Variants in KIF1B observed in about 807,000 individuals in gnomAD.
KIF1B encodes kinesin-like protein KIF1B.
KIF1B carries 76 observed loss-of-function variants against 241.9 expected under a neutral mutation model. The observed-to-expected ratio is 0.31, with a 90% CI of 0.26 to 0.38. KIF1B has a LOEUF of 0.38. Among genes scored for constraint, KIF1B ranks in the 10% least tolerant of loss-of-function variants. The probability of loss-of-function intolerance (pLI) is 1.00; values close to 1 mark genes in which losing one functional copy is unlikely to be tolerated. For synonymous variants in KIF1B, 750 were observed against 796.7 expected, an observed-to-expected ratio of 0.94 and a Z score of 0.99; for missense variants, 1,622 against 2,271.4, an observed-to-expected ratio of 0.71 and a Z score of 5.81.
Position 10,333,454 on chromosome 1 carries a change from G to A in KIF1B, c.2925-1066G>A, listed in dbSNP as rs938026296. On this transcript the variant is annotated intron_variant, in intron 27 of 48. Coordinates refer to ENST00000676179, the MANE Select transcript of KIF1B (RefSeq NM_001365951.3). ...CGCCTGTAATCCCAGCACTTTGGAA[G>A]GCTGTTGCGGGCGGATCACGAGGTC... Among the ~76,000 whole-genome samples, 113 of 152,264 alleles carry A rather than the reference G, an allele frequency of 7.4e-4. 2 individuals carry two copies. Among genetic ancestry groups the A allele is most frequent in the Non-Finnish European group, 1.3e-4 (9 of 68,014 alleles).
chr1:10,376,422 G>GGA (rs765117109), intron 48 of KIF1B, 123 bp from the exon 49 acceptor site: 179 of 924,468 alleles, frequency 1.9e-4, no homozygotes, highest in Middle Eastern at 8.6e-4. Flanking sequence ...ACGGCTTAGA[G>GGA]GACTAGGCCT....
At chr1:10,251,947 A>G (rs1647474985) in intron 2 of KIF1B, among the ~76,000 whole-genome samples, 1 of 152,126 alleles carries the variant, frequency 6.6e-6, no homozygotes, top group South Asian at 2.1e-4. Flanking sequence ...ACAATATGAC[A>G]CTTATTTCCG....
chr1:10,342,266 CTAAA>C, intron 33 of KIF1B, 98 bp downstream of exon 33: 2 of 830,308 alleles, frequency 2.4e-6, no homozygotes, highest in South Asian at 1.3e-5. Flanking sequence ...ATTAAGATAA[CTAAA>C]TAAGTATTCT....
intron 45 of KIF1B, among the ~76,000 whole-genome samples, chr1:10,371,605 T>A (rs1170027231): frequency 6.6e-6 from 1 of 152,104 alleles, no homozygotes; most frequent in East Asian, 1.9e-4. Context: ...TGAAACTGTT[T>A]TGGAAAAAAA....
intron 1 of KIF1B, among the ~76,000 whole-genome samples, chr1:10,213,367 A>C (rs1646722407): frequency 1.3e-5 from 2 of 152,148 alleles, no homozygotes; most frequent in South Asian, 4.1e-4. Context: ...TCAAGACCAG[A>C]TATGAATGCA....
Position 10,341,610 on chromosome 1 carries a change from G to A in KIF1B, c.3514-440G>A, listed in dbSNP as rs373934305. On this transcript the variant is annotated intron_variant, in intron 32 of 48. Transcript: ENST00000676179. The stretch of plus-strand genomic sequence containing the variant: ...CTTTAGAATTAAAAACAACATAGGG[G>A]ATCCCCTGTTTTTTGTTGCAAGAGT... 4.6e-5 allele frequency among the ~76,000 whole-genome samples: 7 copies of A among 152,290 alleles called. No homozygotes were observed. In the South Asian group the frequency reaches 1.2e-3, roughly 27 times the overall value.
chr1:10,304,594 A>G, intron 22 of KIF1B: 1 of 1,614,156 alleles, frequency 6.2e-7, no homozygotes, highest in Non-Finnish European at 8.5e-7. Flanking sequence ...TCCGCGGATG[A>G]GGAGACAGTT....
In KIF1B at chr1:10,291,181, G is replaced by C; in HGVS notation, c.1514+20G>C. On this transcript the variant is annotated intron_variant, in intron 16 of 48. Coordinates refer to ENST00000676179, the MANE Select transcript of KIF1B (RefSeq NM_001365951.3). ...GGAGAGGTCAGGAGGTTAAAATCTG[G>C]AAATGTTTCTAAGTTTTCTAGGGGA... 1 of 1,543,926 alleles carries C rather than the reference G, an allele frequency of 6.5e-7. No homozygotes were observed. Among genetic ancestry groups the C allele is most frequent in the Non-Finnish European group, 8.9e-7 (1 of 1,117,344 alleles).
At chr1:10,373,988 T>C (rs1294483540) in intron 45 of KIF1B, among the ~76,000 whole-genome samples, 1 of 152,190 alleles carries the variant, frequency 6.6e-6, no homozygotes, top group African/African-American at 2.4e-5. Context: ...GGTGTGGCCA[T>C]GGGACTAAAA....
intron 37 of KIF1B, among the ~76,000 whole-genome samples, chr1:10,351,701 C>T (rs1652799082): frequency 6.6e-6 from 1 of 152,178 alleles, no homozygotes; most frequent in African/African-American, 2.4e-5. Flanking sequence ...TATGGTGGCT[C>T]ATGCCTGTAA....
intron 24 of KIF1B, among the ~76,000 whole-genome samples, chr1:10,322,345 G>A (rs1337206481): frequency 6.6e-6 from 1 of 152,174 alleles, no homozygotes; most frequent in Non-Finnish European, 1.5e-5. Context: ...GATCCCCCTA[G>A]CCCTGTGCCT....
chr1:10,257,426 G>A (rs1211732448), intron 3 of KIF1B, among the ~76,000 whole-genome samples: 1 of 149,982 alleles, frequency 6.7e-6, no homozygotes, highest in Non-Finnish European at 1.5e-5. Context: ...AGTGAGCCGA[G>A]ATCGCACCAC....
intron 5 of KIF1B, among the ~76,000 whole-genome samples, chr1:10,264,511 A>T (rs565860381): frequency 1.2e-4 from 19 of 152,354 alleles, no homozygotes; most frequent in East Asian, 1.2e-3. Context: ...AAGATGTAAT[A>T]TATTCCGGGG....
At chr1:10,286,790 G>A (rs1649736382) in intron 15 of KIF1B, among the ~76,000 whole-genome samples, 2 of 152,084 alleles carry the variant, frequency 1.3e-5, no homozygotes, top group African/African-American at 4.8e-5. Flanking sequence ...CCTGAGCCTG[G>A]CATTCCTCGG....
intron 22 of KIF1B, among the ~76,000 whole-genome samples, chr1:10,317,634 A>G (rs533384129): frequency 2.4e-4 from 37 of 151,516 alleles, no homozygotes; most frequent in Non-Finnish European, 4.7e-4. Context: ...GTTCGAGACC[A>G]GCCTGGCCAA....
intron 2 of KIF1B, among the ~76,000 whole-genome samples, chr1:10,253,846 A>G (rs142468616): frequency 6.6e-6 from 1 of 152,180 alleles, no homozygotes; most frequent in Non-Finnish European, 1.5e-5. Context: ...TGTGAGCTTT[A>G]TTAATACTCT....
intron 33 of KIF1B, 53 bp downstream of exon 33, chr1:10,342,221 T>C (rs1652424110): frequency 1.4e-5 from 15 of 1,097,648 alleles, no homozygotes; most frequent in Middle Eastern, 2.0e-4. Context: ...ATTTTTAGTT[T>C]CTCAATTGCT....
intron 28 of KIF1B, among the ~76,000 whole-genome samples, chr1:10,336,104 C>G (rs886436873): frequency 2.0e-5 from 3 of 152,338 alleles, no homozygotes; most frequent in Non-Finnish European, 2.9e-5. Context: ...AGCATGGAGA[C>G]AGTCAGGATT....
At chr1:10,304,206 A>T (rs1421626088) in intron 22 of KIF1B, 1 of 1,614,032 alleles carries the variant, frequency 6.2e-7, no homozygotes, top group African/African-American at 1.3e-5. Flanking sequence ...GCCAAGAAAA[A>T]GGGGGTAAAG....
Sources: allele counts gnomAD v4.1 joint callset (sites outside exome capture counted in the v4.1 genomes callset), GRCh38; gene constraint gnomAD v4.1.1; transcripts MANE v1.5; gene names NCBI Gene and HGNC (gene_info 2026-07-23, HGNC 2026-07-21).